DCBLD1: variants seen among roughly 807,000 people sequenced by gnomAD.
The protein encoded by DCBLD1 is discoidin, CUB and LCCL domain-containing protein 1.
In DCBLD1, 57 loss-of-function variants were observed where a neutral mutation model predicts 71.5. That is an observed-to-expected ratio of 0.80 (90% CI 0.64 to 0.99). The LOEUF (loss-of-function observed/expected upper bound fraction) is 0.99. DCBLD1 is among the 50% of genes least tolerant of loss of function. The pLI is 0.00. For missense variants in DCBLD1, 891 were observed against 923.5 expected (o/e 0.96, Z 0.46); for synonymous variants, 380 against 363.8 (o/e 1.04, Z -0.51).
intron 5 of DCBLD1, among the ~76,000 whole-genome samples, chr6:117,529,254 G>C (rs1778637530): frequency 6.7e-6 from 1 of 149,070 alleles, no homozygotes. Context: ...TCACAAATCA[G>C]GTTTCTAATT....
At chr6:117,511,866 T>G (rs1778034258) in intron 2 of DCBLD1, among the ~76,000 whole-genome samples, 1 of 152,162 alleles carries the variant, frequency 6.6e-6, no homozygotes, top group Non-Finnish European at 1.5e-5. Context: ...GAGAGCTGTT[T>G]TGGGCTGCAG....
At chr6:117,501,437 G>A (rs562604758) in intron 1 of DCBLD1, among the ~76,000 whole-genome samples, 2 of 152,234 alleles carry the variant, frequency 1.3e-5, no homozygotes, top group Admixed American at 1.3e-4. Flanking sequence ...GGGTTCAAGC[G>A]ATTCTCCTGC....
At chr6:117,537,079 A>G in intron 6 of DCBLD1, 106 bp from the exon 7 acceptor site, 1 of 1,069,392 alleles carries the variant, frequency 9.4e-7, no homozygotes. Flanking sequence ...GGATCATGTA[A>G]GGAAGCACAG....
At chr6:117,543,063 A>G (rs1168436032) in intron 11 of DCBLD1, 61 bp from the exon 12 acceptor site, 3 of 1,390,060 alleles carry the variant, frequency 2.2e-6, no homozygotes, top group Non-Finnish European at 3.1e-6. Context: ...TCAGTTTTAA[A>G]TCATGAAAAG....
intron 2 of DCBLD1, among the ~76,000 whole-genome samples, chr6:117,515,263 C>T (rs150919535): frequency 1.7e-3 from 263 of 152,042 alleles, no homozygotes; most frequent in African/African-American, 5.7e-3. Context: ...CCTCCTGACT[C>T]CGCTCACCTT....
chr6:117,540,480 C>A, intron 9 of DCBLD1, 188 bp from the exon 10 acceptor site: 1 of 610,876 alleles, frequency 1.6e-6, no homozygotes, highest in Non-Finnish European at 2.8e-6. Flanking sequence ...AGTTGAGCAG[C>A]ACCACCTTAG....
intron 6 of DCBLD1, among the ~76,000 whole-genome samples, chr6:117,536,117 C>T (rs891549788): frequency 6.6e-6 from 1 of 152,206 alleles, no homozygotes; most frequent in African/African-American, 2.4e-5. Context: ...TACTTAGACT[C>T]TTGGCCAGAG....
chr6:117,564,498 TAAATA>T (rs1779653308), intron 14 of DCBLD1, among the ~76,000 whole-genome samples: 2 of 152,156 alleles, frequency 1.3e-5, no homozygotes, highest in Non-Finnish European at 2.9e-5. Flanking sequence ...ATCTATAAAA[TAAATA>T]ATAGGCTTAT....
intron 3 of DCBLD1, among the ~76,000 whole-genome samples, chr6:117,520,967 T>G (rs1218811874): frequency 6.6e-6 from 1 of 152,252 alleles, no homozygotes; most frequent in Non-Finnish European, 1.5e-5. Flanking sequence ...CCACTGTATC[T>G]TAGCCTCTAT....
chr6:117,495,681 C>T lies in DCBLD1; in HGVS notation c.113-8086C>T, dbSNP rs1241615764. Among the ~76,000 whole-genome samples, 3 of 152,206 alleles carry T rather than the reference C, an allele frequency of 2.0e-5. No homozygotes were observed. The South Asian group carries it at 6.2e-4, about 32-fold the overall frequency. ...GGAAATGATAGGTGTGTCAACTCTC[C>T]TCCCCCACATCCACAAGCCTTCTAA... On this transcript the variant is annotated intron_variant, in intron 1 of 14. Coordinates refer to ENST00000338728, the MANE Select transcript of DCBLD1 (RefSeq NM_001366458.2).
intron 2 of DCBLD1, among the ~76,000 whole-genome samples, chr6:117,506,249 A>G (rs1279331154): frequency 6.6e-6 from 1 of 152,100 alleles, no homozygotes. Flanking sequence ...AACATGCCCA[A>G]GATCCCAAGA....
intron 6 of DCBLD1, among the ~76,000 whole-genome samples, chr6:117,536,339 G>T (rs1778881123): frequency 6.6e-6 from 1 of 152,196 alleles, no homozygotes; most frequent in South Asian, 2.1e-4. Context: ...GAGGCCCCCA[G>T]ATTTTCCATT....
chr6:117,540,181 T>C (rs1779043545), intron 9 of DCBLD1: 1 of 153,140 alleles, frequency 6.5e-6, no homozygotes, highest in Non-Finnish European at 1.5e-5. Flanking sequence ...TTAATTCTTT[T>C]CTACTTCAGG....
intron 2 of DCBLD1, among the ~76,000 whole-genome samples, chr6:117,516,250 A>C (rs1232535731): frequency 6.6e-6 from 1 of 151,480 alleles, no homozygotes; most frequent in African/African-American, 2.4e-5. Context: ...AGTCCCAGCT[A>C]CTCAGGAGGC....
chr6:117,521,668 C>A, intron 4 of DCBLD1, 92 bp downstream of exon 4: 1 of 1,098,026 alleles, frequency 9.1e-7, no homozygotes, highest in Non-Finnish European at 1.3e-6. Context: ...GTACTTAAAG[C>A]TCTTTTTACC....
chr6:117,556,207 C>A (rs1484034337), intron 14 of DCBLD1, among the ~76,000 whole-genome samples: 1 of 152,174 alleles, frequency 6.6e-6, no homozygotes, highest in South Asian at 2.1e-4. Flanking sequence ...ACCTATCTTC[C>A]TTTTTTAAAA....
In DCBLD1 at chr6:117,549,005, G is replaced by A. The variant is rs1269931394; in HGVS notation, c.*566G>A. On this transcript the variant is annotated 3_prime_UTR_variant, in exon 15 of 15. Transcript: ENST00000338728. ...TTAACATTCTTCTCCTGGAAGAAATGAATTACTTGAAGCATGAAAAGCACA... is the reference window on the plus strand; with the variant it reads ...TTAACATTCTTCTCCTGGAAGAAATAAATTACTTGAAGCATGAAAAGCACA... The A allele has an allele frequency of 1.0e-6, 1 of 986,830 alleles. No homozygotes were observed. Among genetic ancestry groups the A allele is most frequent in the Non-Finnish European group, 1.2e-6 (1 of 831,036 alleles). The allele number at this position is 986,830 out of a possible 1,614,324, so 61.1% of individuals were successfully genotyped here. A position where few individuals can be genotyped will look rare whatever the true frequency, so the allele number is the denominator to read the frequency against.
chr6:117,551,867 C>G (rs1413270923), downstream of DCBLD1, among the ~76,000 whole-genome samples: 1 of 152,102 alleles, frequency 6.6e-6, no homozygotes, highest in Non-Finnish European at 1.5e-5. Context: ...CGGTGTATCA[C>G]ACATCCCAGC....
intron 12 of DCBLD1, 49 bp from the exon 13 acceptor site, chr6:117,544,479 G>T (rs376107411): frequency 3.8e-6 from 6 of 1,590,824 alleles, no homozygotes; most frequent in Non-Finnish European, 5.2e-6. Flanking sequence ...GGAGAGAGAG[G>T]CAGATACATT....
Sources: allele counts gnomAD v4.1 joint callset (sites outside exome capture counted in the v4.1 genomes callset), GRCh38; gene constraint gnomAD v4.1.1; transcripts MANE v1.5; gene names NCBI Gene and HGNC (gene_info 2026-07-23, HGNC 2026-07-21).